Variants in SYCP1 observed in about 807,000 individuals in gnomAD.
SYCP1 encodes cancer/testis antigen 8.
SYCP1 carries 64 observed loss-of-function variants against 153.1 expected under a neutral mutation model. The ratio of observed to expected loss-of-function variants is 0.42; its 90% CI spans 0.34 to 0.51. SYCP1 has a LOEUF of 0.51. SYCP1 is among the 20% of genes least tolerant of loss of function. The pLI, the probability that SYCP1 is intolerant of heterozygous loss-of-function variation, is 0.06. For missense variants in SYCP1, 997 were observed against 1,049.0 expected, an observed-to-expected ratio of 0.95 and a Z score of 0.68; for synonymous variants, 384 against 341.8, an observed-to-expected ratio of 1.12 and a Z score of -1.36.
intron 8 of SYCP1, among the ~76,000 whole-genome samples, chr1:114,866,293 C>T (rs535000651): frequency 1.3e-3 from 195 of 152,162 alleles, no homozygotes; most frequent in African/African-American, 4.5e-3. Context: ...TTTTTATTTC[C>T]GCCAGCAGTG....
intron 15 of SYCP1, among the ~76,000 whole-genome samples, chr1:114,893,547 T>G (rs1570716083): frequency 6.6e-6 from 1 of 152,220 alleles, no homozygotes; most frequent in East Asian, 1.9e-4. Context: ...AACACTATAC[T>G]TAGTCAAATA....
intron 15 of SYCP1, 22 bp from the exon 16 acceptor site, chr1:114,895,426 A>AT (rs150956388): frequency 0.043 from 52,880 of 1,243,230 alleles, 345 homozygotes; most frequent in South Asian, 0.05. Flanking sequence ...TTTTTAACAC[A>AT]TTTTTTTTTT....
At chr1:114,966,438 G>A (rs1672132300) in intron 27 of SYCP1, among the ~76,000 whole-genome samples, 1 of 152,040 alleles carries the variant, frequency 6.6e-6, no homozygotes. Flanking sequence ...TGTGATGTTA[G>A]GGTATTGGTT....
chr1:114,863,827 A>G (rs1013846607), intron 8 of SYCP1, among the ~76,000 whole-genome samples: 3 of 151,994 alleles, frequency 2.0e-5, no homozygotes, highest in Admixed American at 6.6e-5. Context: ...TTGCAGGGAC[A>G]TGGATGAAGC....
intron 27 of SYCP1, among the ~76,000 whole-genome samples, chr1:114,947,688 C>T (rs1482297601): frequency 1.3e-5 from 2 of 151,508 alleles, no homozygotes; most frequent in African/African-American, 2.4e-5. Context: ...TGGCGGGCGC[C>T]TGTAGTCCCA....
chr1:114,873,651 A>C (rs1009924018), intron 8 of SYCP1, among the ~76,000 whole-genome samples: 6 of 152,180 alleles, frequency 3.9e-5, no homozygotes, highest in African/African-American at 1.2e-4. Context: ...TTAGAAGCAC[A>C]AGGGGATGTT....
chr1:114,872,869 G>A (rs905484545), intron 8 of SYCP1, among the ~76,000 whole-genome samples: 1 of 152,002 alleles, frequency 6.6e-6, no homozygotes, highest in Non-Finnish European at 1.5e-5. Context: ...TGTCTAGGCT[G>A]GTCTCCAACT....
chr1:114,903,239 G>T (rs1412162205), intron 16 of SYCP1, among the ~76,000 whole-genome samples: 1 of 152,120 alleles, frequency 6.6e-6, no homozygotes, highest in Non-Finnish European at 1.5e-5. Context: ...GATACAGTGG[G>T]GAGCAAATGG....
In SYCP1 at chr1:114,995,098, A is replaced by C; in HGVS notation, c.*79A>C. On this transcript the variant is annotated 3_prime_UTR_variant, in exon 32 of 32. Coordinates refer to ENST00000369522, the MANE Select transcript of SYCP1 (RefSeq NM_003176.4). ...TATTTTGTTCTTATTTGCCAGAGCC[A>C]AATTTTATCTGGAAGTTGAGACTTA... 1.5e-6 allele frequency: 2 copies of C among 1,365,102 alleles called. No individual in the cohort carries two copies. Among genetic ancestry groups the C allele is most frequent in the Non-Finnish European group, 1.9e-6 (2 of 1,028,562 alleles). 84.6% of individuals were successfully genotyped at this position (1,365,102 alleles called of 1,614,324 possible). A position where few individuals can be genotyped will look rare whatever the true frequency, so the allele number is the denominator to read the frequency against.
chr1:114,865,314 T>G (rs1448957573), intron 8 of SYCP1, among the ~76,000 whole-genome samples: 1 of 152,196 alleles, frequency 6.6e-6, no homozygotes, highest in Non-Finnish European at 1.5e-5. Flanking sequence ...ATGGTTAAAT[T>G]TTCCTAGTTC....
intron 27 of SYCP1, among the ~76,000 whole-genome samples, chr1:114,953,711 A>G (rs1671254096): frequency 6.6e-6 from 1 of 152,202 alleles, no homozygotes; most frequent in South Asian, 2.1e-4. Context: ...CTAAGCCTTA[A>G]TATCAAGTAA....
At chr1:114,952,062 C>A (rs1461498290) in intron 27 of SYCP1, among the ~76,000 whole-genome samples, 1 of 152,098 alleles carries the variant, frequency 6.6e-6, no homozygotes, top group Non-Finnish European at 1.5e-5. Context: ...AGAGTTTGCC[C>A]AGTCAAGGGT....
chr1:114,914,513 C>A (rs1443114674), intron 20 of SYCP1, among the ~76,000 whole-genome samples: 3 of 151,904 alleles, frequency 2.0e-5, no homozygotes, highest in African/African-American at 7.3e-5. Flanking sequence ...AGTTGAAGGT[C>A]TTACATCTCT....
Position 114,946,971 on chromosome 1 carries a change from C to A in SYCP1, c.2248-275C>A, listed in dbSNP as rs796183309. 7.2e-5 allele frequency among the ~76,000 whole-genome samples: 11 copies of A among 152,224 alleles called. No homozygotes were observed. The East Asian group carries it at 2.1e-3, about 29-fold the overall frequency. ...ATGTTGGCCAGGCTTTCCTCAAACTCCTGACCTCGAGTGATATGCCTGCCT... is the reference window on the plus strand; with the variant it reads ...ATGTTGGCCAGGCTTTCCTCAAACTACTGACCTCGAGTGATATGCCTGCCT... On this transcript the variant is annotated intron_variant, in intron 26 of 31. Coordinates refer to ENST00000369522, the MANE Select transcript of SYCP1 (RefSeq NM_003176.4).
At chr1:114,934,335 A>G (rs1669840270) in intron 23 of SYCP1, among the ~76,000 whole-genome samples, 1 of 152,192 alleles carries the variant, frequency 6.6e-6, no homozygotes, top group African/African-American at 2.4e-5. Context: ...GGAGAAATAA[A>G]ATCCTTTACA....
At chr1:114,994,637 GT>G in intron 30 of SYCP1, 60 bp from the exon 31 acceptor site, 1 of 1,287,118 alleles carries the variant, frequency 7.8e-7, no homozygotes, top group Non-Finnish European at 1.0e-6. Flanking sequence ...TTGACAAAAT[GT>G]TAATAATATA....
At chr1:114,910,773 T>C (rs1668123741) in intron 17 of SYCP1, among the ~76,000 whole-genome samples, 1 of 152,150 alleles carries the variant, frequency 6.6e-6, no homozygotes. Flanking sequence ...GAGTATTTTT[T>C]CTTTTGAGAC....
Position 114,886,274 on chromosome 1 carries a change from C to G in SYCP1, c.1155C>G (p.Cys385Trp), listed in dbSNP as rs139155668. The G allele has an allele frequency of 8.5e-4, 1,364 of 1,597,948 alleles. 8 individuals are homozygous for G. Among genetic ancestry groups the G allele is most frequent in the Non-Finnish European group, 5.2e-4 (611 of 1,173,662 alleles). Reference protein sequence around the residue: ...FVVTEFETTVCSLEELLRTEQ... With the variant: ...FVVTEFETTVWSLEELLRTEQ... The stretch of plus-strand genomic sequence containing the variant: ...TTACTGAATTTGAAACTACTGTCTG[C>G]AGCTTGGAAGAATTATTGAGAACAG... Residue 385 changes from cysteine to tryptophan, a missense_variant, in exon 14 of 32, where the codon TGC (cysteine) becomes TGG (tryptophan). This residue lies in a region of SYCP1 where 712 missense variants were observed against 682.9 expected (regional missense o/e 1.04). Transcript: ENST00000369522.
At chr1:114,868,598 A>G (rs1664913986) in intron 8 of SYCP1, among the ~76,000 whole-genome samples, 1 of 152,180 alleles carries the variant, frequency 6.6e-6, no homozygotes, top group African/African-American at 2.4e-5. Context: ...CTCTGCTTCT[A>G]TCTTCTGAAA....
Sources: allele counts gnomAD v4.1 joint callset (sites outside exome capture counted in the v4.1 genomes callset), GRCh38; gene constraint gnomAD v4.1.1; regional missense constraint gnomAD v4.1.1; transcripts MANE v1.5; gene names NCBI Gene and HGNC (gene_info 2026-07-23, HGNC 2026-07-21).